The following SMYD3 variants were observed in gnomAD, a reference collection of about 807,000 sequenced individuals.
SMYD3 encodes the protein SET and MYND domain containing 3.
In SMYD3, 36 loss-of-function variants were observed where a neutral mutation model predicts 57.7. That is an observed-to-expected ratio of 0.62 (90% confidence interval 0.48 to 0.82). The LOEUF (loss-of-function observed/expected upper bound fraction) is 0.82, where lower values mean the gene tolerates loss of function less well. Among genes scored for constraint, SMYD3 ranks in the 40% least tolerant of loss-of-function variants. The probability of loss-of-function intolerance (pLI) is 0.00; values close to 1 mark genes in which losing one functional copy is unlikely to be tolerated. For synonymous variants in SMYD3, 211 were observed against 195.0 expected (o/e 1.08, Z -0.68); for missense variants, 515 against 538.8 (o/e 0.96, Z 0.44).
At chr1:245,800,206 G>A (rs2047787355) in intron 10 of SMYD3, among the ~76,000 whole-genome samples, 1 of 152,126 alleles carries the variant, frequency 6.6e-6, no homozygotes, top group Non-Finnish European at 1.5e-5. Flanking sequence ...AGGCTGGCCA[G>A]CCCCTCCGGT....
chr1:246,078,798 G>A (rs887532256), intron 5 of SMYD3, among the ~76,000 whole-genome samples: 3 of 152,192 alleles, frequency 2.0e-5, no homozygotes, highest in Admixed American at 2.0e-4. Flanking sequence ...CTGACTGAAT[G>A]TAAAGATAAG....
intron 1 of SMYD3, among the ~76,000 whole-genome samples, chr1:246,374,225 T>C (rs2066235122): frequency 6.6e-6 from 1 of 152,248 alleles, no homozygotes; most frequent in African/African-American, 2.4e-5. Flanking sequence ...TTTTGGCTAA[T>C]GACCTGTAAA....
Position 246,461,066 on chromosome 1 carries a change from C to T in SMYD3, c.164+45988G>A, listed in dbSNP as rs185705825. ...AAATATTATTAAAGGCATAAAATGA[C>T]TCTAAATTGTTTAAGGTAACTTCTG... On this transcript the variant is annotated intron_variant, in intron 1 of 11. Transcript: ENST00000490107. Among the ~76,000 whole-genome samples, 245 of 152,302 alleles carry T rather than the reference C, an allele frequency of 1.6e-3. 1 individual carries two copies. The highest frequency in any genetic ancestry group is 4.8e-3 in the African/African-American group (199 of 41,564).
chr1:246,440,882 C>T (rs2067452642), intron 1 of SMYD3, among the ~76,000 whole-genome samples: 1 of 152,058 alleles, frequency 6.6e-6, no homozygotes, highest in African/African-American at 2.4e-5. Context: ...TTTGTATTTT[C>T]CTAAGAGGAA....
At chr1:246,462,839 TA>T (rs1380812281) in intron 1 of SMYD3, among the ~76,000 whole-genome samples, 3 of 151,876 alleles carry the variant, frequency 2.0e-5, no homozygotes, top group Admixed American at 2.0e-4. Context: ...AATTTGCTGG[TA>T]AACAAAGCAA....
At chr1:245,798,469 CACAT>C (rs1190169545) in intron 10 of SMYD3, among the ~76,000 whole-genome samples, 10 of 29,574 alleles carry the variant, frequency 3.4e-4, no homozygotes, top group Non-Finnish European at 5.0e-4. Context: ...CACATACACA[CACAT>C]ACACAACACA....
intron 1 of SMYD3, among the ~76,000 whole-genome samples, chr1:246,487,002 C>G (rs1431141718): frequency 6.6e-6 from 1 of 152,124 alleles, no homozygotes; most frequent in African/African-American, 2.4e-5. Flanking sequence ...CCCACCTATA[C>G]TAATAGAAAA....
intron 1 of SMYD3, among the ~76,000 whole-genome samples, chr1:246,418,668 G>T (rs1193705232): frequency 6.6e-6 from 1 of 152,172 alleles, no homozygotes; most frequent in African/African-American, 2.4e-5. Flanking sequence ...AGCAGATGGG[G>T]GAGCCAGAAG....
chr1:245,984,137 T>A (rs1421866849), intron 5 of SMYD3, among the ~76,000 whole-genome samples: 2 of 151,946 alleles, frequency 1.3e-5, no homozygotes, highest in East Asian at 3.9e-4. Context: ...GTAGCTGGGA[T>A]TACAGGCGCC....
intron 5 of SMYD3, among the ~76,000 whole-genome samples, chr1:246,006,029 G>GA (rs2059161795): frequency 1.2e-5 from 1 of 83,708 alleles, no homozygotes; most frequent in Non-Finnish European, 3.4e-5. Flanking sequence ...GATATTGAAA[G>GA]GGGAGAAAAG....
chr1:246,202,159 C>T lies in SMYD3; in HGVS notation c.531+125042G>A, dbSNP rs377472689. Among the ~76,000 whole-genome samples the T allele has an allele frequency of 2.0e-4, 30 of 151,866 alleles. No individual in the cohort carries two copies. Among genetic ancestry groups the T allele is most frequent in the African/African-American group, 7.0e-4 (29 of 41,400 alleles). On this transcript the variant is annotated intron_variant, in intron 5 of 11. Transcript: ENST00000490107. The surrounding 1 kb of genome is among the most constrained non-coding windows in gnomAD (Gnocchi z 4.1). ...ATTTTTATTTAATACTTTTACTTAA[C>T]GATATTTTCTATAATGTACTTTTAT... is the stretch of plus-strand genomic sequence containing the variant.
At chr1:245,798,638 G>A (rs1229105012) in intron 10 of SMYD3, among the ~76,000 whole-genome samples, 1 of 151,860 alleles carries the variant, frequency 6.6e-6, no homozygotes, top group Non-Finnish European at 1.5e-5. Context: ...TCTCAGGCTG[G>A]GCTTGTACTG....
At chr1:245,952,796 AG>A (rs1193896723) in intron 5 of SMYD3, among the ~76,000 whole-genome samples, 1 of 152,250 alleles carries the variant, frequency 6.6e-6, no homozygotes, top group African/African-American at 2.4e-5. Context: ...GCACTCGAGC[AG>A]AACGCTGTGA....
Position 245,915,575 on chromosome 1 carries a change from C to A in SMYD3, c.768G>T (p.Gln256His). Residue 256 changes from glutamine to histidine, a missense_variant, in exon 8 of 12, where the codon CAG becomes CAT. Coordinates refer to ENST00000490107, the MANE Select transcript of SMYD3 (RefSeq NM_001167740.2). ...SEERRKQLRD[Q>H]YCFECDCFRC... ...GGAAACAGTCACATTCAAAGCAGTACTGGTCCCTCAGCTGCTTCCGGCGCT... is the reference window on the plus strand; with the variant it reads ...GGAAACAGTCACATTCAAAGCAGTAATGGTCCCTCAGCTGCTTCCGGCGCT... 6.2e-7 allele frequency: 1 copy of A among 1,614,020 alleles called. No homozygotes were observed. Among genetic ancestry groups the A allele is most frequent in the South Asian group, 1.1e-5 (1 of 91,052 alleles).
At chr1:246,428,019 T>C (rs1304473520) in intron 1 of SMYD3, among the ~76,000 whole-genome samples, 2 of 152,234 alleles carry the variant, frequency 1.3e-5, no homozygotes, top group East Asian at 3.8e-4. Flanking sequence ...TCTGCTTATC[T>C]ACTCAATGAA....
intron 5 of SMYD3, among the ~76,000 whole-genome samples, chr1:246,145,899 T>C (rs994087743): frequency 3.3e-5 from 5 of 152,226 alleles, no homozygotes; most frequent in African/African-American, 1.2e-4. Context: ...CAAAGAGTCT[T>C]ACCGATATTA....
At chr1:246,162,777 C>CT (rs2062144035) in intron 5 of SMYD3, among the ~76,000 whole-genome samples, 1 of 152,158 alleles carries the variant, frequency 6.6e-6, no homozygotes, top group African/African-American at 2.4e-5. Context: ...ACCATATAAC[C>CT]TGCATAATGA....
At chr1:245,895,916 A>G (rs1222429406) in intron 8 of SMYD3, among the ~76,000 whole-genome samples, 1 of 152,242 alleles carries the variant, frequency 6.6e-6, no homozygotes, top group Non-Finnish European at 1.5e-5. Flanking sequence ...AAGCTGAAAT[A>G]ATTACCAGAG....
At chr1:246,050,416 G>C (rs936866033) in intron 5 of SMYD3, among the ~76,000 whole-genome samples, 2 of 152,174 alleles carry the variant, frequency 1.3e-5, no homozygotes, top group Admixed American at 6.5e-5. Context: ...CTCAAAGCCA[G>C]GCCAAACTGG....
Sources: gnomAD v4.1 joint callset for allele counts (sites outside exome capture counted in the v4.1 genomes callset) on GRCh38, gnomAD v4.1.1 for gene constraint, Gnocchi (gnomAD v3.1) non-coding constraint, MANE v1.5 for transcripts, NCBI Gene and HGNC (gene_info 2026-07-23, HGNC 2026-07-21) for gene names.